Variants in DLGAP2 observed in about 807,000 individuals in gnomAD.
The protein encoded by DLGAP2 is DLG associated protein 2, also known as disks large-associated protein 2.
A neutral mutation model predicts 100.3 loss-of-function variants in DLGAP2; 26 were observed. The observed-to-expected ratio is 0.26, with a 90% CI of 0.19 to 0.36. The LOEUF is 0.36. Ranked by LOEUF, DLGAP2 falls within the 10% of genes least tolerant of loss-of-function variation. DLGAP2 has a pLI of 1.00. For synonymous variants in DLGAP2, 886 were observed against 630.1 expected, an observed-to-expected ratio of 1.41 and a Z score of -6.08; for missense variants, 1,858 against 1,453.2, an observed-to-expected ratio of 1.28 and a Z score of -4.53.
At chr8:1,632,583 C>T (rs1490212974) in intron 7 of DLGAP2, among the ~76,000 whole-genome samples, 1 of 152,188 alleles carries the variant, frequency 6.6e-6, no homozygotes, top group African/African-American at 2.4e-5. Flanking sequence ...TGAAGGTTTG[C>T]CTTGCGGTCC....
At chr8:1,331,961 C>T (rs1357909961) in intron 3 of DLGAP2, among the ~76,000 whole-genome samples, 3 of 152,214 alleles carry the variant, frequency 2.0e-5, no homozygotes, top group Non-Finnish European at 2.9e-5. Context: ...CAGCCACCTC[C>T]TGCCAACCCC....
intron 2 of DLGAP2, chr8:1,019,089 G>A (rs548941631): frequency 5.3e-5 from 8 of 152,156 alleles, no homozygotes; most frequent in Admixed American, 4.6e-4. Flanking sequence ...CTGTATCTCT[G>A]GTCATGCACC....
At chr8:1,640,670 T>G (rs13276938) in intron 8 of DLGAP2, among the ~76,000 whole-genome samples, 3 of 151,874 alleles carry the variant, frequency 2.0e-5, no homozygotes, top group African/African-American at 4.8e-5. Flanking sequence ...TTCAGAGGCT[T>G]GTACCCGGGA....
chr8:1,357,401 C>CTTTT (rs5888828), intron 3 of DLGAP2, among the ~76,000 whole-genome samples: 110 of 144,590 alleles, frequency 7.6e-4, no homozygotes, highest in African/African-American at 2.5e-3. Context: ...GGTGCCAAAT[C>CTTTT]TTTTTTTTTT....
At chr8:1,596,803 A>G (rs1399342644) in intron 6 of DLGAP2, among the ~76,000 whole-genome samples, 1 of 152,168 alleles carries the variant, frequency 6.6e-6, no homozygotes, top group African/African-American at 2.4e-5. Flanking sequence ...TAGATTACAA[A>G]CATTTTCTCC....
intron 3 of DLGAP2, among the ~76,000 whole-genome samples, chr8:1,467,014 TGGG>T (rs1026818885): frequency 6.7e-6 from 1 of 149,498 alleles, no homozygotes; most frequent in East Asian, 1.9e-4. Flanking sequence ...TTCAAGAAAG[TGGG>T]GGGGATGTGG....
chr8:1,437,509 G>A (rs1021690909), intron 3 of DLGAP2, among the ~76,000 whole-genome samples: 2 of 152,122 alleles, frequency 1.3e-5, no homozygotes, highest in South Asian at 2.1e-4. Context: ...TTCTGACATC[G>A]ACCTAACCTC....
chr8:738,289 G>A (rs552921952), intron 1 of DLGAP2, among the ~76,000 whole-genome samples: 2 of 151,776 alleles, frequency 1.3e-5, no homozygotes, highest in African/African-American at 2.4e-5. Context: ...ACGCCGACGG[G>A]GACTGGGAAT....
chr8:1,413,371 C>T (rs1258277781), intron 3 of DLGAP2, among the ~76,000 whole-genome samples: 2 of 152,032 alleles, frequency 1.3e-5, no homozygotes, highest in Admixed American at 6.6e-5. Flanking sequence ...AAATGAACAA[C>T]CTATTGAAGA....
chr8:902,455 A>G (rs1798272620), intron 1 of DLGAP2, among the ~76,000 whole-genome samples: 1 of 147,964 alleles, frequency 6.8e-6, no homozygotes, highest in African/African-American at 2.5e-5. Flanking sequence ...GGCGTGTGCA[A>G]GGTTTGAGCC....
intron 1 of DLGAP2, among the ~76,000 whole-genome samples, chr8:765,326 T>G (rs1337762353): frequency 1.3e-5 from 2 of 152,236 alleles, no homozygotes; most frequent in African/African-American, 4.8e-5. Flanking sequence ...GTAAAATATT[T>G]TTTTTCTTTA....
chr8:891,648 G>T (rs10095771), intron 1 of DLGAP2: 97,983 of 151,938 alleles, frequency 0.64, 31,805 homozygotes, highest in Admixed American at 0.73. Flanking sequence ...GAGGATGGGT[G>T]GTGTGGACAG....
intron 2 of DLGAP2, among the ~76,000 whole-genome samples, chr8:1,195,051 G>A (rs1197834152): frequency 1.3e-5 from 2 of 152,242 alleles, no homozygotes; most frequent in East Asian, 1.9e-4. Flanking sequence ...CGTTTCAGAG[G>A]CGTCCGCCCC....
chr8:1,378,834 C>T (rs1796026354), intron 3 of DLGAP2, among the ~76,000 whole-genome samples: 1 of 152,232 alleles, frequency 6.6e-6, no homozygotes, highest in African/African-American at 2.4e-5. Context: ...TGATTCTCTT[C>T]TCTGAGGAGT....
chr8:1,093,016 C>G (rs1168234279), intron 2 of DLGAP2, among the ~76,000 whole-genome samples: 1 of 152,220 alleles, frequency 6.6e-6, no homozygotes, highest in Non-Finnish European at 1.5e-5. Flanking sequence ...AGGCCATGGG[C>G]AGGCGCCCTG....
intron 2 of DLGAP2, among the ~76,000 whole-genome samples, chr8:1,228,964 T>C (rs1367590430): frequency 6.6e-6 from 1 of 152,072 alleles, no homozygotes; most frequent in African/African-American, 2.4e-5. Context: ...AGCATTCCTA[T>C]TGGAAAGGAA....
intron 8 of DLGAP2, among the ~76,000 whole-genome samples, chr8:1,637,182 T>G (rs900438515): frequency 2.0e-5 from 3 of 152,138 alleles, no homozygotes; most frequent in Non-Finnish European, 4.4e-5. Flanking sequence ...TATCCTCCTT[T>G]CCCAGAGGGC....
At chr8:951,414 T>G (rs1219800359) in intron 2 of DLGAP2, among the ~76,000 whole-genome samples, 1 of 152,152 alleles carries the variant, frequency 6.6e-6, no homozygotes, top group Non-Finnish European at 1.5e-5. Flanking sequence ...CTGGCTATTT[T>G]TTTGTTTTTA....
chr8:1,616,636 G>A lies in DLGAP2; in HGVS notation c.1443-10104G>A, dbSNP rs575851647. Among the ~76,000 whole-genome samples the A allele has an allele frequency of 7.9e-5, 12 of 152,240 alleles. No individual in the cohort carries two copies. The South Asian group carries it at 2.5e-3, about 32-fold the overall frequency. On this transcript the variant is annotated intron_variant, in intron 6 of 14. Transcript: ENST00000637795. ...CTATTGATTCAGAATACTATACCCA[G>A]CAAAAATATCTTTTAAAAAATGAGA... is the stretch of plus-strand genomic sequence containing the variant.
Sources: gnomAD v4.1 joint callset for allele counts (sites outside exome capture counted in the v4.1 genomes callset) on GRCh38, gnomAD v4.1.1 for gene constraint, MANE v1.5 for transcripts, NCBI Gene and HGNC (gene_info 2026-07-23, HGNC 2026-07-21) for gene names.